Variants in GALNT14 observed in about 807,000 individuals in gnomAD.
GALNT14 encodes the protein UDP-GalNAc:polypeptide N-acetylgalactosaminyltransferase 14.
In GALNT14, 60 loss-of-function variants were observed where a neutral mutation model predicts 77.5. The ratio of observed to expected loss-of-function variants is 0.77; its 90% CI spans 0.63 to 0.96. GALNT14 has a LOEUF of 0.96. GALNT14 is among the 40% of genes least tolerant of loss of function. GALNT14 has a pLI of 0.00. For missense variants in GALNT14, 710 were observed against 731.0 expected, an observed-to-expected ratio of 0.97 and a Z score of 0.33; for synonymous variants, 280 against 281.7, an observed-to-expected ratio of 0.99 and a Z score of 0.06.
chr2:30,948,271 A>G (rs1666822219), intron 6 of GALNT14, among the ~76,000 whole-genome samples: 1 of 152,222 alleles, frequency 6.6e-6, no homozygotes, highest in African/African-American at 2.4e-5. Context: ...CTTATGCAAT[A>G]AAGGATTAAC....
chr2:31,066,770 A>G (rs1674995066), intron 1 of GALNT14, among the ~76,000 whole-genome samples: 1 of 136,960 alleles, frequency 7.3e-6, no homozygotes, highest in Non-Finnish European at 1.6e-5. Flanking sequence ...ACCCCCCACC[A>G]AGGCCAGCCT....
chr2:31,073,845 T>C (rs887055471), intron 1 of GALNT14, among the ~76,000 whole-genome samples: 1 of 152,186 alleles, frequency 6.6e-6, no homozygotes, highest in African/African-American at 2.4e-5. Context: ...AAGGACACCG[T>C]TACAGACCGC....
At chr2:30,957,747 G>T (rs533200571) in intron 4 of GALNT14, among the ~76,000 whole-genome samples, 10 of 152,314 alleles carry the variant, frequency 6.6e-5, no homozygotes, top group African/African-American at 2.4e-4. Flanking sequence ...GTCCACAGTG[G>T]TCATTCCATT....
chr2:30,980,809 C>T lies in GALNT14; in HGVS notation c.299+12029G>A, dbSNP rs547505208. ...AGAAATACAAGGCATGGGCCGAGCG[C>T]GGTGGCTCACGCCTGTAATCCCAGC... On this transcript the variant is annotated intron_variant, in intron 2 of 14. Transcript: ENST00000349752. Among the ~76,000 whole-genome samples the T allele has an allele frequency of 9.2e-5, 14 of 152,328 alleles. No homozygotes were observed. In the East Asian group the frequency reaches 2.1e-3, roughly 23 times the overall value.
chr2:31,127,142 C>G (rs1453479341), intron 1 of GALNT14, among the ~76,000 whole-genome samples: 1 of 152,206 alleles, frequency 6.6e-6, no homozygotes, highest in African/African-American at 2.4e-5. Context: ...GCCCCCCAAT[C>G]AAGAAACTGA....
intron 1 of GALNT14, among the ~76,000 whole-genome samples, chr2:31,051,887 G>A (rs916141869): frequency 5.3e-5 from 8 of 152,242 alleles, no homozygotes; most frequent in East Asian, 3.9e-4. Context: ...CAAAGATTTC[G>A]GAAATAGCTT....
chr2:30,932,759 G>A (rs1280743537), intron 9 of GALNT14, among the ~76,000 whole-genome samples: 1 of 152,204 alleles, frequency 6.6e-6, no homozygotes, highest in Non-Finnish European at 1.5e-5. Flanking sequence ...CTCAGGGCAA[G>A]GTGTCCACAA....
At chr2:30,940,000 CA>C (rs72540472) in intron 9 of GALNT14, among the ~76,000 whole-genome samples, 3,682 of 126,180 alleles carry the variant, frequency 0.029, 108 homozygotes, top group East Asian at 0.16. Flanking sequence ...TATAAAATGC[CA>C]AAAAAAAAAA....
Position 31,062,468 on chromosome 2 carries a change from G to T in GALNT14, c.130-69461C>A, listed in dbSNP as rs569745184. On this transcript the variant is annotated intron_variant, in intron 1 of 14. Coordinates refer to ENST00000349752, the MANE Select transcript of GALNT14 (RefSeq NM_024572.4). ...TCTTTATCCAGTCTATCATTGATGG[G>T]CATTTGGGTTGGTTCCAAGTCTTTG... is the stretch of plus-strand genomic sequence containing the variant. Among the ~76,000 whole-genome samples, 3 of 152,232 alleles carry T rather than the reference G, an allele frequency of 2.0e-5. No individual in the cohort carries two copies. In the East Asian group the frequency reaches 5.8e-4, roughly 29 times the overall value.
intron 1 of GALNT14, among the ~76,000 whole-genome samples, chr2:30,994,389 G>C (rs1187580473): frequency 6.6e-6 from 1 of 152,194 alleles, no homozygotes; most frequent in Non-Finnish European, 1.5e-5. Flanking sequence ...CCACGTGGCA[G>C]GTTAAGAGGG....
chr2:30,942,517 T>C (rs944794124), intron 8 of GALNT14, among the ~76,000 whole-genome samples: 31 of 151,972 alleles, frequency 2.0e-4, no homozygotes, highest in Admixed American at 6.6e-4. Flanking sequence ...AGCTCCAGGG[T>C]TTTTCCTGTG....
chr2:31,127,131 A>G (rs997094817), intron 1 of GALNT14, among the ~76,000 whole-genome samples: 1 of 152,212 alleles, frequency 6.6e-6, no homozygotes, highest in African/African-American at 2.4e-5. Context: ...CTGTGTAACC[A>G]GCCCCCCAAT....
At chr2:31,128,412 T>C (rs1678805104) in intron 1 of GALNT14, among the ~76,000 whole-genome samples, 1 of 152,166 alleles carries the variant, frequency 6.6e-6, no homozygotes, top group Non-Finnish European at 1.5e-5. Context: ...CCTGGAGTCA[T>C]TTCCCCAGGC....
rs1665622981 is a variant in GALNT14 at position 30,929,893 on chromosome 2, T to C, written c.1059-406A>G. On this transcript the variant is annotated intron_variant, in intron 10 of 14. Transcript: ENST00000349752. The stretch of plus-strand genomic sequence containing the variant: ...TACACACATAGCCTGAAGGTAATGA[T>C]ATTTTTCCCTTGGGGATGCTGAATA... Among the ~76,000 whole-genome samples the C allele has an allele frequency of 2.0e-5, 3 of 152,196 alleles. No individual in the cohort carries two copies. In the South Asian group the frequency reaches 6.2e-4, roughly 32 times the overall value.
chr2:31,018,772 C>A (rs753928203), intron 1 of GALNT14, among the ~76,000 whole-genome samples: 5 of 152,100 alleles, frequency 3.3e-5, no homozygotes, highest in Non-Finnish European at 7.4e-5. Flanking sequence ...TTTGGGATGA[C>A]AACAACAAAA....
At chr2:30,904,320 T>G in the GALNT14 span, among the ~76,000 whole-genome samples, 2 of 152,200 alleles carry the variant, frequency 1.3e-5, no homozygotes, top group South Asian at 2.1e-4. Context: ...CTTTAGGAAG[T>G]GCCAGACAGT....
chr2:31,129,991 G>C (rs913761888), intron 1 of GALNT14, among the ~76,000 whole-genome samples: 4 of 152,190 alleles, frequency 2.6e-5, no homozygotes, highest in Non-Finnish European at 2.9e-5. Context: ...AGCCGGGGTG[G>C]TTGTTCTCTT....
At chr2:31,007,774 TTA>T (rs774509978) in intron 1 of GALNT14, among the ~76,000 whole-genome samples, 5 of 152,206 alleles carry the variant, frequency 3.3e-5, no homozygotes, top group Non-Finnish European at 7.3e-5. Context: ...ATCCGTTTCC[TTA>T]GTGCATTAAA....
intron 1 of GALNT14, among the ~76,000 whole-genome samples, chr2:31,002,409 GAC>G (rs1670420956): frequency 6.6e-6 from 1 of 150,948 alleles, no homozygotes; most frequent in African/African-American, 2.4e-5. Context: ...CAACCTGGGT[GAC>G]AGAGTGAGAC....
Sources: gnomAD v4.1 joint callset for allele counts (sites outside exome capture counted in the v4.1 genomes callset) on GRCh38, gnomAD v4.1.1 for gene constraint, MANE v1.5 for transcripts, NCBI Gene and HGNC (gene_info 2026-07-23, HGNC 2026-07-21) for gene names.